UBE2H: variants seen among roughly 807,000 people sequenced by gnomAD.
UBE2H encodes ubiquitin-conjugating enzyme E2 H.
Under a neutral mutation model 29.0 loss-of-function variants are expected in UBE2H, and 3 were observed. The ratio of observed to expected loss-of-function variants is 0.10; its 90% CI spans 0.05 to 0.27. The LOEUF is 0.27. Ranked by LOEUF, UBE2H falls within the 10% of genes least tolerant of loss-of-function variation. The pLI, the probability that UBE2H is intolerant of heterozygous loss-of-function variation, is 1.00. For synonymous variants in UBE2H, 69 were observed against 82.9 expected (o/e 0.83, Z 0.91); for missense variants, 68 against 228.2 (o/e 0.30, Z 4.52).
chr7:129,863,929 C>T (rs991212102), intron 3 of UBE2H, among the ~76,000 whole-genome samples: 35 of 151,812 alleles, frequency 2.3e-4, no homozygotes, highest in Admixed American at 1.3e-4. Context: ...CTCAGCCTCC[C>T]AAGTAGCTGG....
intron 4 of UBE2H, among the ~76,000 whole-genome samples, 171 bp from the exon 5 acceptor site, chr7:129,857,734 T>G (rs1289795096): frequency 1.3e-5 from 2 of 152,306 alleles, no homozygotes; most frequent in South Asian, 2.1e-4. Context: ...GGTCTTGAAG[T>G]GTCACCTTAC....
At chr7:129,880,797 T>C in intron 2 of UBE2H, 98 bp downstream of exon 2, 1 of 1,115,052 alleles carries the variant, frequency 9.0e-7, no homozygotes, top group Non-Finnish European at 1.3e-6. Flanking sequence ...AAACTTGCTT[T>C]TCAGAAACTA....
chr7:129,866,587 ACT>A (rs1257241438), intron 3 of UBE2H, among the ~76,000 whole-genome samples: 1 of 152,036 alleles, frequency 6.6e-6, no homozygotes, highest in Non-Finnish European at 1.5e-5. Flanking sequence ...ATTCTCTACC[ACT>A]CTTAGAGTTG....
At chr7:129,927,474 A>C (rs1246431616) in intron 1 of UBE2H, among the ~76,000 whole-genome samples, 1 of 152,234 alleles carries the variant, frequency 6.6e-6, no homozygotes, top group Non-Finnish European at 1.5e-5. Flanking sequence ...CTGGAGGCAG[A>C]GGTTGCAGTG....
chr7:129,841,845 C>T (rs1805434740), intron 5 of UBE2H, among the ~76,000 whole-genome samples: 1 of 152,196 alleles, frequency 6.6e-6, no homozygotes, highest in Non-Finnish European at 1.5e-5. Context: ...AAACAAAAAT[C>T]ACCTTCCTAT....
At chr7:129,843,596 G>A (rs541071855) in intron 5 of UBE2H, among the ~76,000 whole-genome samples, 3 of 152,214 alleles carry the variant, frequency 2.0e-5, no homozygotes, top group East Asian at 3.9e-4. Context: ...GCATACCATC[G>A]CTGGCAGGGA....
chr7:129,883,969 G>A (rs10242002), intron 1 of UBE2H, among the ~76,000 whole-genome samples: 25,979 of 151,938 alleles, frequency 0.17, 2,366 homozygotes, highest in African/African-American at 0.22. Flanking sequence ...GGTGGTATGC[G>A]CCTATAATCC....
intron 1 of UBE2H, among the ~76,000 whole-genome samples, chr7:129,902,782 C>G (rs1215864711): frequency 6.6e-6 from 1 of 152,166 alleles, no homozygotes; most frequent in Non-Finnish European, 1.5e-5. Context: ...TTGCCTCCCC[C>G]CACCATTTAC....
intron 4 of UBE2H, among the ~76,000 whole-genome samples, chr7:129,858,474 G>A (rs1267630216): frequency 6.6e-6 from 1 of 152,080 alleles, no homozygotes; most frequent in Non-Finnish European, 1.5e-5. Context: ...ATATTAGAAG[G>A]AAAGAAGGGG....
At chr7:129,913,252 C>CA (rs59869623) in intron 1 of UBE2H, among the ~76,000 whole-genome samples, 1,284 of 75,248 alleles carry the variant, frequency 0.017, 12 homozygotes, top group East Asian at 0.045. Flanking sequence ...AACTCCGTCT[C>CA]AAAAAAAAAA....
At chr7:129,849,959 G>A (rs1347882854) in intron 5 of UBE2H, among the ~76,000 whole-genome samples, 1 of 152,100 alleles carries the variant, frequency 6.6e-6, no homozygotes, top group Non-Finnish European at 1.5e-5. Context: ...TTAATGAAGA[G>A]GGCCATGCAG....
chr7:129,905,521 TG>T (rs1320486670), intron 1 of UBE2H, among the ~76,000 whole-genome samples: 2 of 152,166 alleles, frequency 1.3e-5, no homozygotes, highest in Non-Finnish European at 2.9e-5. Context: ...TCTGATGCCA[TG>T]GAAGTAGATC....
At chr7:129,847,077 G>A (rs1584740885) in intron 5 of UBE2H, among the ~76,000 whole-genome samples, 3 of 151,490 alleles carry the variant, frequency 2.0e-5, no homozygotes, top group South Asian at 2.1e-4. Context: ...CTGGAGTCTC[G>A]CTCTATCTCC....
intron 5 of UBE2H, chr7:129,857,152 T>TC (rs1314671938): frequency 5.5e-6 from 1 of 180,980 alleles, no homozygotes; most frequent in Non-Finnish European, 1.1e-5. Context: ...AGAGGGACAT[T>TC]CCTAAGTAGT....
chr7:129,873,764 G>C (rs1806091394), intron 3 of UBE2H, among the ~76,000 whole-genome samples: 1 of 152,072 alleles, frequency 6.6e-6, no homozygotes, highest in Non-Finnish European at 1.5e-5. Context: ...GGCAGCACGA[G>C]CTTGCTGGTT....
At chr7:129,854,074 T>TTTTA (rs1286944384) in intron 5 of UBE2H, among the ~76,000 whole-genome samples, 3 of 150,016 alleles carry the variant, frequency 2.0e-5, no homozygotes, top group Non-Finnish European at 3.0e-5. Context: ...TTTTTTTTTT[T>TTTTA]TTTTTTTTGG....
intron 5 of UBE2H, among the ~76,000 whole-genome samples, chr7:129,856,541 A>AT (rs1235827379): frequency 4.6e-5 from 7 of 152,204 alleles, no homozygotes; most frequent in African/African-American, 1.7e-4. Context: ...ATAAAATGTA[A>AT]TGGTATCCAG....
chr7:129,867,740 A>AAAAAG (rs768415224), intron 3 of UBE2H, among the ~76,000 whole-genome samples: 1 of 138,306 alleles, frequency 7.2e-6, no homozygotes. Flanking sequence ...AAAAAAAAAA[A>AAAAAG]AAGAAGACCA....
intron 3 of UBE2H, among the ~76,000 whole-genome samples, chr7:129,867,718 G>GAAAAACAAAAAAAAAAAAAAAAAAA (rs1308277089): frequency 1.0e-4 from 2 of 19,642 alleles, no homozygotes; most frequent in African/African-American, 4.0e-4. Flanking sequence ...AAAAAAAAAA[G>GAAAAACAAAAAAAAAAAAAAAAAAA]AAAACCAAAA....
Sources: gnomAD v4.1 joint callset for allele counts (sites outside exome capture counted in the v4.1 genomes callset) on GRCh38, gnomAD v4.1.1 for gene constraint, MANE v1.5 for transcripts, NCBI Gene and HGNC (gene_info 2026-07-23, HGNC 2026-07-21) for gene names.